The following EHD4 variants were observed in gnomAD, a reference collection of about 807,000 sequenced individuals.
The protein encoded by EHD4 is EH domain containing 4, also known as EH domain-containing protein 4.
EHD4 carries 37 observed loss-of-function variants against 51.0 expected under a neutral mutation model. That is an observed-to-expected ratio of 0.73 (90% CI 0.56 to 0.95). The LOEUF (loss-of-function observed/expected upper bound fraction) is 0.95, where lower values mean the gene tolerates loss of function less well. Among genes scored for constraint, EHD4 ranks in the 40% least tolerant of loss-of-function variants. The pLI is 0.00. For synonymous variants in EHD4, 297 were observed against 317.3 expected (o/e 0.94, Z 0.68); for missense variants, 632 against 733.1 (o/e 0.86, Z 1.59).
At chr15:41,935,415 G>A (rs2067725588) in intron 3 of EHD4, among the ~76,000 whole-genome samples, 1 of 152,126 alleles carries the variant, frequency 6.6e-6, no homozygotes, top group African/African-American at 2.4e-5. Context: ...AGAGTGGGGT[G>A]CACAGCAGAC....
intron 5 of EHD4, among the ~76,000 whole-genome samples, chr15:41,909,099 C>CGGCT (rs1034804404): frequency 6.6e-6 from 1 of 152,244 alleles, no homozygotes; most frequent in Non-Finnish European, 1.5e-5. Context: ...CAGGGCAGGA[C>CGGCT]GGCTGAATGC....
At chr15:41,966,071 C>G (rs1222681269) in intron 1 of EHD4, among the ~76,000 whole-genome samples, 1 of 151,996 alleles carries the variant, frequency 6.6e-6, no homozygotes, top group Non-Finnish European at 1.5e-5. Context: ...GCTGCTCCCT[C>G]TCCATGGCTT....
At chr15:41,920,826 A>G (rs2067619905) in intron 3 of EHD4, among the ~76,000 whole-genome samples, 1 of 152,258 alleles carries the variant, frequency 6.6e-6, no homozygotes, top group Non-Finnish European at 1.5e-5. Flanking sequence ...ATACAGCATG[A>G]TAACATTCAT....
chr15:41,939,792 C>CAAA (rs537857115), intron 3 of EHD4, among the ~76,000 whole-genome samples: 60 of 80,056 alleles, frequency 7.5e-4, no homozygotes, highest in Non-Finnish European at 1.0e-3. Flanking sequence ...GACTCCGTCT[C>CAAA]AAAAAAAAAA....
chr15:41,940,109 G>A (rs190526454), intron 3 of EHD4, among the ~76,000 whole-genome samples: 6 of 152,118 alleles, frequency 3.9e-5, no homozygotes, highest in African/African-American at 7.2e-5. Context: ...GTGAGCCACC[G>A]CGCCCAGCCA....
At position 41,924,935 on chromosome 15, in the gene EHD4, C is replaced by T. The variant is rs545917878; in HGVS notation, c.512-5313G>A. Among the ~76,000 whole-genome samples, 18 of 151,876 alleles carry T rather than the reference C, an allele frequency of 1.2e-4. No individual in the cohort carries two copies. In the South Asian group the frequency reaches 3.8e-3, roughly 32 times the overall value. On this transcript the variant is annotated intron_variant, in intron 3 of 5. Transcript: ENST00000220325. ...AGCCAGGCTAATTTTTGGCAGATACCTGTAATCCCAGCTACTTGGGAGGCT... is the reference window on the plus strand; with the variant it reads ...AGCCAGGCTAATTTTTGGCAGATACTTGTAATCCCAGCTACTTGGGAGGCT...
intron 3 of EHD4, among the ~76,000 whole-genome samples, chr15:41,940,842 CGCT>C (rs1219839019): frequency 2.0e-5 from 3 of 152,156 alleles, no homozygotes; most frequent in Non-Finnish European, 4.4e-5. Flanking sequence ...AAAGGAGAGA[CGCT>C]GCAAGACTCA....
chr15:41,959,161 G>T (rs1359172633), intron 1 of EHD4, among the ~76,000 whole-genome samples: 2 of 152,162 alleles, frequency 1.3e-5, no homozygotes, highest in Non-Finnish European at 2.9e-5. Context: ...GGGAGGCCGA[G>T]GTGGGCGGAT....
intron 1 of EHD4, among the ~76,000 whole-genome samples, chr15:41,956,099 T>C (rs1403170763): frequency 6.6e-6 from 1 of 151,568 alleles, no homozygotes; most frequent in Non-Finnish European, 1.5e-5. Flanking sequence ...GGTGCGGGAG[T>C]GGGTTTGAAG....
At chr15:41,911,333 T>C (rs565422891) in intron 4 of EHD4, among the ~76,000 whole-genome samples, 10 of 152,358 alleles carry the variant, frequency 6.6e-5, no homozygotes, top group African/African-American at 2.4e-4. Context: ...ATGAAGACAA[T>C]TGAAATGATT....
At chr15:41,941,726 GC>G in intron 3 of EHD4, 1 of 152,140 alleles carries the variant, frequency 6.6e-6, no homozygotes, top group Middle Eastern at 3.4e-3. Context: ...GCTCAGCATA[GC>G]CCCGAGCTCT....
At chr15:41,970,378 C>T (rs1195834496) in intron 1 of EHD4, among the ~76,000 whole-genome samples, 2 of 152,232 alleles carry the variant, frequency 1.3e-5, no homozygotes, top group East Asian at 3.9e-4. Context: ...CCCACAGCTC[C>T]AGCACCTGCT....
At chr15:41,918,260 A>T (rs1018425170) in intron 4 of EHD4, among the ~76,000 whole-genome samples, 2 of 149,724 alleles carry the variant, frequency 1.3e-5, no homozygotes, top group Non-Finnish European at 3.0e-5. Context: ...GTTTACACAC[A>T]TGCATATTCA....
In EHD4 at chr15:41,904,378, G is replaced by A. The variant is rs997789568; in HGVS notation, c.1090-3197C>T. On this transcript the variant is annotated intron_variant, in intron 5 of 5. Coordinates refer to ENST00000220325, the MANE Select transcript of EHD4 (RefSeq NM_139265.4). ...CCTGTGGTCCCCCCCAGGCTTGACC[G>A]GGGACTGCGGGGGCACCAGTTAAAC... Among the ~76,000 whole-genome samples, 10 of 151,960 alleles carry A rather than the reference G, an allele frequency of 6.6e-5. No individual in the cohort carries two copies. The Middle Eastern group carries it at 0.014, about 208-fold the overall frequency.
chr15:41,942,990 G>C (rs1352657275), intron 3 of EHD4, 77 bp downstream of exon 3: 2 of 1,343,596 alleles, frequency 1.5e-6, no homozygotes, highest in Admixed American at 2.0e-5. Flanking sequence ...GAATAATATA[G>C]GGACAGAAAT....
intron 4 of EHD4, among the ~76,000 whole-genome samples, chr15:41,918,243 C>T (rs1277859529): frequency 5.4e-5 from 7 of 130,592 alleles, no homozygotes; most frequent in African/African-American, 8.5e-5. Context: ...CACACACACA[C>T]GCGCATGTTT....
rs538949633 is a variant in EHD4 at position 41,942,750 on chromosome 15, C to T, written c.511+317G>A. 3 of 249,760 alleles carry T rather than the reference C, an allele frequency of 1.2e-5. No homozygotes were observed. The East Asian group carries it at 2.9e-4, about 24-fold the overall frequency. 15.5% of individuals were successfully genotyped at this position (249,760 alleles called of 1,614,324 possible). On this transcript the variant is annotated intron_variant, in intron 3 of 5. Transcript: ENST00000220325. ...TCAGATCCTAGTTCCAATGCTGCTT[C>T]CTCCAGGAGCCTCTCCCAACACCCC...
rs192052794 is a variant in EHD4, at chr15:41,945,148, C to T, written c.414-1984G>A. Among the ~76,000 whole-genome samples, 52 of 152,328 alleles carry T rather than the reference C, an allele frequency of 3.4e-4. No homozygotes were observed. The East Asian group carries it at 4.6e-3, about 14-fold the overall frequency. On this transcript the variant is annotated intron_variant, in intron 2 of 5. Coordinates refer to ENST00000220325, the MANE Select transcript of EHD4 (RefSeq NM_139265.4). ...CCATCAGATGGCCCGAGACATCTGG[C>T]GGAGCTGAACATATCACACCTACGT... is the stretch of plus-strand genomic sequence containing the variant.
chr15:41,970,000 C>T (rs2067985842), intron 1 of EHD4, among the ~76,000 whole-genome samples: 1 of 152,178 alleles, frequency 6.6e-6, no homozygotes, highest in African/African-American at 2.4e-5. Flanking sequence ...GACCACTAAC[C>T]AGGCTCTAAC....
Sources: gnomAD v4.1 joint callset for allele counts (sites outside exome capture counted in the v4.1 genomes callset) on GRCh38, gnomAD v4.1.1 for gene constraint, MANE v1.5 for transcripts, NCBI Gene and HGNC (gene_info 2026-07-23, HGNC 2026-07-21) for gene names.